Variants in GRID2 observed in about 807,000 individuals in gnomAD.
The protein encoded by GRID2 is glutamate receptor ionotropic, delta-2.
In GRID2, 33 loss-of-function variants were observed where a neutral mutation model predicts 114.8. The observed-to-expected ratio is 0.29, with a 90% CI of 0.22 to 0.38. The LOEUF is 0.38. GRID2 is among the 10% of genes least tolerant of loss of function. GRID2 has a pLI of 1.00. For synonymous variants in GRID2, 505 were observed against 449.9 expected, an observed-to-expected ratio of 1.12 and a Z score of -1.55; for missense variants, 1,184 against 1,257.7, an observed-to-expected ratio of 0.94 and a Z score of 0.89.
intron 4 of GRID2, among the ~76,000 whole-genome samples, chr4:93,118,022 G>C (rs1733441890): frequency 6.6e-6 from 1 of 151,976 alleles, no homozygotes; most frequent in South Asian, 2.1e-4. Flanking sequence ...CCCATATTTT[G>C]AGCTCTCCAT....
chr4:92,886,968 A>T (rs1430467693), intron 2 of GRID2, among the ~76,000 whole-genome samples: 1 of 152,186 alleles, frequency 6.6e-6, no homozygotes, highest in Non-Finnish European at 1.5e-5. Context: ...AAACTGTTGA[A>T]ATCACTAATC....
chr4:92,934,823 C>G (rs1750532599), intron 2 of GRID2, among the ~76,000 whole-genome samples: 1 of 147,028 alleles, frequency 6.8e-6, no homozygotes, highest in South Asian at 2.3e-4. Context: ...GCTGGGAAAA[C>G]TGACTAGCCA....
chr4:93,401,025 G>T (rs910051185), intron 9 of GRID2, among the ~76,000 whole-genome samples: 1 of 151,848 alleles, frequency 6.6e-6, no homozygotes, highest in Non-Finnish European at 1.5e-5. Flanking sequence ...TAGAGACAGG[G>T]GCTCGCTATG....
intron 1 of GRID2, among the ~76,000 whole-genome samples, chr4:92,509,674 G>C (rs1369601608): frequency 1.3e-5 from 2 of 151,882 alleles, no homozygotes; most frequent in Non-Finnish European, 2.9e-5. Context: ...AATTAATAGA[G>C]TGGTTGAAAA....
chr4:92,480,408 A>C (rs1465659976), intron 1 of GRID2, among the ~76,000 whole-genome samples: 1 of 152,168 alleles, frequency 6.6e-6, no homozygotes. Flanking sequence ...AGGAAAGATA[A>C]TCTATAACTA....
rs569125187 is a variant in GRID2, at chr4:92,504,936, G to A, written c.89-85195G>A. Among the ~76,000 whole-genome samples the A allele has an allele frequency of 8.7e-4, 132 of 151,996 alleles. 1 individual carries two copies. The highest frequency in any genetic ancestry group is 3.0e-3 in the African/African-American group (124 of 41,506). On this transcript the variant is annotated intron_variant, in intron 1 of 15. Transcript: ENST00000282020. ...TATACTAGAAAATAAAATTGTACTT[G>A]TTTTGTACCAGAATACAAGTCAAAC...
intron 1 of GRID2, among the ~76,000 whole-genome samples, chr4:92,493,214 C>T (rs6815321): frequency 0.01 from 1,566 of 151,540 alleles, 24 homozygotes; most frequent in African/African-American, 0.036. Context: ...TGGTTTTTAT[C>T]CTAGTCACTC....
chr4:92,327,366 TTGTGTG>T (rs33960256), intron 1 of GRID2, among the ~76,000 whole-genome samples: 1 of 149,966 alleles, frequency 6.7e-6, no homozygotes, highest in Non-Finnish European at 1.5e-5. Context: ...ATCCTAGATT[TTGTGTG>T]TGTGTGTGTG....
intron 1 of GRID2, among the ~76,000 whole-genome samples, chr4:92,390,570 T>A (rs1730191815): frequency 6.6e-6 from 1 of 152,090 alleles, no homozygotes; most frequent in Non-Finnish European, 1.5e-5. Context: ...TTTAAATAAG[T>A]TTGAATCTAT....
chr4:93,469,963 T>G (rs1724648887), intron 11 of GRID2, among the ~76,000 whole-genome samples: 1 of 152,108 alleles, frequency 6.6e-6, no homozygotes, highest in Non-Finnish European at 1.5e-5. Flanking sequence ...AGGATTAGGT[T>G]AAAAAGTGAA....
intron 8 of GRID2, among the ~76,000 whole-genome samples, chr4:93,387,386 TTACTA>T (rs975892355): frequency 7.9e-5 from 12 of 152,154 alleles, no homozygotes; most frequent in Non-Finnish European, 1.5e-4. Flanking sequence ...TCCTTGGTCT[TTACTA>T]TACAGAGTTT....
In GRID2 at chr4:92,511,788, ATGTT is replaced by A. The variant is rs759590021; in HGVS notation, c.89-78340_89-78337del. ...AGCTGAAGGAGGTTGTGGGGAAAAG[ATGTT>A]TGGTTTTAATTGAAATAAAATACAC... is the stretch of plus-strand genomic sequence containing the variant. On this transcript the variant is annotated intron_variant, in intron 1 of 15. Transcript: ENST00000282020. 4.6e-5 allele frequency among the ~76,000 whole-genome samples: 7 copies of A among 151,964 alleles called. No homozygotes were observed. In the South Asian group the frequency reaches 1.5e-3, roughly 31 times the overall value.
At chr4:93,407,760 C>A in intron 9 of GRID2, among the ~76,000 whole-genome samples, 1 of 127,844 alleles carries the variant, frequency 7.8e-6, no homozygotes, top group East Asian at 2.2e-4. Context: ...CCTCCTCGTC[C>A]TCCTCCTCCT....
chr4:92,852,536 C>T (rs1485249320), intron 2 of GRID2, among the ~76,000 whole-genome samples: 2 of 151,968 alleles, frequency 1.3e-5, no homozygotes, highest in African/African-American at 4.8e-5. Context: ...TGTCCACTTT[C>T]ACCCATTTCT....
At chr4:93,661,638 A>G (rs1723502506) in intron 14 of GRID2, among the ~76,000 whole-genome samples, 1 of 152,220 alleles carries the variant, frequency 6.6e-6, no homozygotes, top group Admixed American at 6.5e-5. Flanking sequence ...ATGAAAATGT[A>G]GTGACCGAAG....
chr4:93,649,752 A>T (rs1039955101), intron 14 of GRID2, among the ~76,000 whole-genome samples: 1 of 152,110 alleles, frequency 6.6e-6, no homozygotes, highest in African/African-American at 2.4e-5. Context: ...GTACAGCCTG[A>T]CAGAGTTAGA....
chr4:93,288,919 C>A (rs1753453720), intron 8 of GRID2, among the ~76,000 whole-genome samples: 1 of 152,116 alleles, frequency 6.6e-6, no homozygotes, highest in African/African-American at 2.4e-5. Context: ...ATTTTCTATT[C>A]TTTGACTGAA....
intron 1 of GRID2, among the ~76,000 whole-genome samples, chr4:92,390,917 C>A (rs1286204649): frequency 6.6e-6 from 1 of 152,104 alleles, no homozygotes; most frequent in Non-Finnish European, 1.5e-5. Flanking sequence ...GGCACCAAGC[C>A]TGGTACCCAG....
chr4:92,704,106 C>T (rs1461356234), intron 2 of GRID2, among the ~76,000 whole-genome samples: 2 of 152,112 alleles, frequency 1.3e-5, no homozygotes, highest in Non-Finnish European at 2.9e-5. Flanking sequence ...AAAACCCCGT[C>T]TCTACTTAAA....
Sources: allele counts gnomAD v4.1 joint callset (sites outside exome capture counted in the v4.1 genomes callset), GRCh38; gene constraint gnomAD v4.1.1; transcripts MANE v1.5; gene names NCBI Gene and HGNC (gene_info 2026-07-23, HGNC 2026-07-21).